Variants in DTL observed in about 807,000 individuals in gnomAD.
DTL encodes denticleless protein homolog.
DTL carries 46 observed loss-of-function variants against 87.0 expected under a neutral mutation model. The observed-to-expected ratio is 0.53, with a 90% CI of 0.42 to 0.68. The LOEUF is 0.68. Among genes scored for constraint, DTL ranks in the 30% least tolerant of loss-of-function variants. DTL has a pLI of 0.00. For missense variants in DTL, 737 were observed against 869.4 expected, an observed-to-expected ratio of 0.85 and a Z score of 1.91; for synonymous variants, 308 against 311.2, an observed-to-expected ratio of 0.99 and a Z score of 0.11.
chr1:212,043,579 C>T (rs115825228), intron 2 of DTL, among the ~76,000 whole-genome samples: 8,500 of 152,148 alleles, frequency 0.056, 272 homozygotes, highest in Non-Finnish European at 0.074. Flanking sequence ...CTTGTAATCC[C>T]CGAACTTTGG....
intron 3 of DTL, among the ~76,000 whole-genome samples, chr1:212,045,398 C>A (rs12144471): frequency 0.07 from 10,614 of 152,208 alleles, 474 homozygotes; most frequent in Admixed American, 0.14. Flanking sequence ...AACAATTCTT[C>A]AAAAAGTTAA....
At chr1:212,050,421 A>G (rs1667932652) in intron 5 of DTL, among the ~76,000 whole-genome samples, 1 of 152,192 alleles carries the variant, frequency 6.6e-6, no homozygotes, top group Non-Finnish European at 1.5e-5. Flanking sequence ...TGTGTGGCAA[A>G]AGGGCAGGTA....
chr1:212,070,733 T>C (rs2102556426), intron 10 of DTL, among the ~76,000 whole-genome samples: 1 of 152,324 alleles, frequency 6.6e-6, no homozygotes. Context: ...TGCTTTGTAT[T>C]ATGGTGTTTA....
chr1:212,068,773 A>G, intron 10 of DTL, 70 bp downstream of exon 10: 1 of 981,824 alleles, frequency 1.0e-6, no homozygotes, highest in Non-Finnish European at 1.6e-6. Context: ...ATGATAATTT[A>G]ATGGGCTTTC....
Position 212,102,785 on chromosome 1 carries a change from A to G in DTL, c.2095-57A>G. On this transcript the variant is annotated intron_variant, in intron 14 of 14. Coordinates refer to ENST00000366991, the MANE Select transcript of DTL (RefSeq NM_016448.4). ...TAATTTAAGGTATGCCTTAGTAATA[A>G]CTTAGTAACAGTTGAACTTCAAGGA... The G allele has an allele frequency of 2.4e-6, 3 of 1,249,526 alleles. No individual in the cohort carries two copies. In the Admixed American group the frequency reaches 5.4e-5, roughly 23 times the overall value. The allele number at this position is 1,249,526 out of a possible 1,614,324, so 77.4% of individuals were successfully genotyped here. A position where few individuals can be genotyped will look rare whatever the true frequency, so the allele number is the denominator to read the frequency against.
Position 212,055,771 on chromosome 1 carries a change from C to A in DTL, c.461-7113C>A, listed in dbSNP as rs181201085. 1.9e-3 allele frequency among the ~76,000 whole-genome samples: 295 copies of A among 152,328 alleles called. 4 individuals are homozygous for A. In the Middle Eastern group the frequency reaches 0.031, roughly 16 times the overall value. On this transcript the variant is annotated intron_variant, in intron 5 of 14. Transcript: ENST00000366991. Reference sequence around the variant, plus strand: ...TCACCCCACCCCTGCCTTCCATAGCCAGCACCTGCATGCACCACCAGGGTC... The same window carrying A: ...TCACCCCACCCCTGCCTTCCATAGCAAGCACCTGCATGCACCACCAGGGTC...
At chr1:212,063,001 A>C (rs1654379001) in intron 6 of DTL, 52 bp downstream of exon 6, 1 of 1,386,932 alleles carries the variant, frequency 7.2e-7, no homozygotes, top group Non-Finnish European at 1.0e-6. Flanking sequence ...CCTGTACTTA[A>C]TTTTGAGTGA....
Position 212,102,858 on chromosome 1 carries a change from G to A in DTL, c.2111G>A (p.Ser704Asn). 1 of 1,612,018 alleles carries A rather than the reference G, an allele frequency of 6.2e-7. No individual in the cohort carries two copies. The highest frequency in any genetic ancestry group is 8.5e-7 in the Non-Finnish European group (1 of 1,178,588). Residue 704 changes from serine to asparagine, a missense_variant, in exon 15 of 15, where the codon AGC becomes AAC. Transcript: ENST00000366991. ...KLPSPVTITP[S>N]SMRKICTYFH... ...TTCTTCTAGGTCACCATCACGCCCA[G>A]CTCCATGAGGAAAATCTGCACATAC...
At chr1:212,069,446 G>A (rs1417271646) in intron 10 of DTL, among the ~76,000 whole-genome samples, 1 of 151,924 alleles carries the variant, frequency 6.6e-6, no homozygotes, top group Non-Finnish European at 1.5e-5. Flanking sequence ...AATCCTCAGA[G>A]TTACCCAGTT....
chr1:212,074,530 T>A (rs1265744176), intron 11 of DTL, among the ~76,000 whole-genome samples: 2 of 152,198 alleles, frequency 1.3e-5, no homozygotes, highest in Non-Finnish European at 2.9e-5. Context: ...TCAGACGTGA[T>A]GTTCTTCTGC....
At chr1:212,067,491 T>C (rs1022454847) in intron 8 of DTL, among the ~76,000 whole-genome samples, 1 of 152,172 alleles carries the variant, frequency 6.6e-6, no homozygotes, top group Non-Finnish European at 1.5e-5. Flanking sequence ...GTTTCCTTCC[T>C]ATTATATCTC....
chr1:212,097,711 C>A (rs1293086638), intron 13 of DTL, among the ~76,000 whole-genome samples: 1 of 151,948 alleles, frequency 6.6e-6, no homozygotes, highest in African/African-American at 2.4e-5. Flanking sequence ...CTTCTAAATT[C>A]TTTTCTGGCA....
intron 13 of DTL, among the ~76,000 whole-genome samples, chr1:212,094,709 A>C (rs898750729): frequency 1.2e-4 from 19 of 152,188 alleles, no homozygotes; most frequent in African/African-American, 4.6e-4. Flanking sequence ...TTATTTTCAC[A>C]GCATTGATTC....
chr1:212,100,890 G>A lies in DTL; in HGVS notation c.1900G>A (p.Gly634Arg). 1 of 1,614,182 alleles carries A rather than the reference G, an allele frequency of 6.2e-7. No individual in the cohort carries two copies. The highest frequency in any genetic ancestry group is 8.5e-7 in the Non-Finnish European group (1 of 1,180,022). ...PISPYASESCGTLPLPLRPCG... is the reference protein window; with the variant it reads ...PISPYASESCRTLPLPLRPCG... Reference sequence around the variant, plus strand: ...CAGTCCGTATGCTTCAGAAAGCTGTGGAACGCTACCTCTTCCTTTGAGACC... The same window carrying A: ...CAGTCCGTATGCTTCAGAAAGCTGTAGAACGCTACCTCTTCCTTTGAGACC... Residue 634 changes from glycine (G) to arginine (R), a missense_variant, in exon 14 of 15, where the codon GGA (glycine) becomes AGA (arginine). Gly to Arg is a moderately radical substitution (Grantham distance 125, BLOSUM62 -2). Coordinates refer to ENST00000366991, the MANE Select transcript of DTL (RefSeq NM_016448.4).
chr1:212,093,767 T>C (rs1030716097), intron 13 of DTL, among the ~76,000 whole-genome samples: 1 of 152,182 alleles, frequency 6.6e-6, no homozygotes, highest in Non-Finnish European at 1.5e-5. Context: ...GGGGTTTTTA[T>C]AGGCACAGGA....
At chr1:212,093,617 G>C (rs1000205182) in intron 13 of DTL, among the ~76,000 whole-genome samples, 1 of 152,206 alleles carries the variant, frequency 6.6e-6, no homozygotes, top group Non-Finnish European at 1.5e-5. Context: ...CTGCTGGCCT[G>C]CCGGCCTGCC....
intron 8 of DTL, 96 bp from the exon 9 acceptor site, chr1:212,068,128 A>C: frequency 1.4e-6 from 1 of 714,074 alleles, no homozygotes; most frequent in Non-Finnish European, 2.4e-6. Context: ...AATGTGCCAG[A>C]GGAGTTAGAT....
At chr1:212,102,557 G>T (rs1395652414) in intron 14 of DTL, among the ~76,000 whole-genome samples, 1 of 152,076 alleles carries the variant, frequency 6.6e-6, no homozygotes, top group East Asian at 1.9e-4. Context: ...TTTCAAAAAG[G>T]ATAGTAATTG....
At position 212,080,727 on chromosome 1, in the gene DTL, A is replaced by G. The variant is rs760972168; in HGVS notation, c.1238A>G (p.Lys413Arg). The change falls in exon 13 of 15, where the codon AAA becomes AGA. Residue 413 changes from lysine to arginine, a missense_variant. Lys to Arg is a conservative substitution (Grantham distance 26, BLOSUM62 2). Transcript: ENST00000366991. The part of the protein sequence containing the change: ...LSTVGWASQK[K>R]KESRPGLVTV... ...ACGGTGGGTTGGGCCTCTCAGAAGAAAAAAGAGTCAAGACCTGGCCTAGGT... is the reference window on the plus strand; with the variant it reads ...ACGGTGGGTTGGGCCTCTCAGAAGAGAAAAGAGTCAAGACCTGGCCTAGGT... 1.9e-6 allele frequency: 3 copies of G among 1,613,646 alleles called. No homozygotes were observed. In the South Asian group the frequency reaches 3.3e-5, roughly 18 times the overall value.
Sources: gnomAD v4.1 joint callset for allele counts (sites outside exome capture counted in the v4.1 genomes callset) on GRCh38, gnomAD v4.1.1 for gene constraint, MANE v1.5 for transcripts, NCBI Gene and HGNC (gene_info 2026-07-23, HGNC 2026-07-21) for gene names.